Variants in ADIPOR2 observed in about 807,000 individuals in gnomAD.
ADIPOR2 encodes adiponectin receptor 2.
ADIPOR2 carries 18 observed loss-of-function variants against 40.9 expected under a neutral mutation model. That is an observed-to-expected ratio of 0.44 (90% CI 0.30 to 0.65). The LOEUF (loss-of-function observed/expected upper bound fraction) is 0.65, where lower values mean the gene tolerates loss of function less well. Ranked by LOEUF, ADIPOR2 falls within the 30% of genes least tolerant of loss-of-function variation. The pLI is 0.09. For synonymous variants in ADIPOR2, 165 were observed against 166.4 expected, an observed-to-expected ratio of 0.99 and a Z score of 0.06; for missense variants, 283 against 479.2, an observed-to-expected ratio of 0.59 and a Z score of 3.82.
chr12:1,732,079 A>ATC (rs1355837492), intron 1 of ADIPOR2, among the ~76,000 whole-genome samples: 1 of 152,020 alleles, frequency 6.6e-6, no homozygotes, highest in African/African-American at 2.4e-5. Context: ...GTTCCCATAT[A>ATC]TCTACCCGCT....
rs1371686747 is a variant in ADIPOR2, at chr12:1,787,123, A to G, written c.*1051A>G. The G allele has an allele frequency of 2.0e-5, 3 of 152,202 alleles. No individual in the cohort carries two copies. Among genetic ancestry groups the G allele is most frequent in the Non-Finnish European group, 2.9e-5 (2 of 68,040 alleles). 9.4% of individuals were successfully genotyped at this position (152,202 alleles called of 1,614,324 possible). ...TGGAACACTCTCTAAATTTCCCTCTATTAAAAATCACTGCCCTAACTACAC... is the reference window on the plus strand; with the variant it reads ...TGGAACACTCTCTAAATTTCCCTCTGTTAAAAATCACTGCCCTAACTACAC... On this transcript the variant is annotated 3_prime_UTR_variant, in exon 8 of 8. Transcript: ENST00000357103.
At chr12:1,737,944 G>C (rs1284227454) in intron 1 of ADIPOR2, among the ~76,000 whole-genome samples, 2 of 152,182 alleles carry the variant, frequency 1.3e-5, no homozygotes, top group Admixed American at 6.5e-5. Context: ...TGCCATGTAT[G>C]AAGGTCCCTT....
intron 1 of ADIPOR2, among the ~76,000 whole-genome samples, chr12:1,704,318 C>G (rs2094657554): frequency 1.3e-5 from 2 of 152,100 alleles, no homozygotes; most frequent in South Asian, 4.2e-4. Context: ...AGAAATAGAA[C>G]CTAGAAGAGT....
chr12:1,701,753 A>T (rs1355694299), intron 1 of ADIPOR2, among the ~76,000 whole-genome samples: 2 of 152,202 alleles, frequency 1.3e-5, no homozygotes, highest in African/African-American at 4.8e-5. Flanking sequence ...TCATGTATTA[A>T]AAATAATGTT....
chr12:1,768,979 CA>C (rs1360137275), intron 2 of ADIPOR2, among the ~76,000 whole-genome samples: 7 of 152,120 alleles, frequency 4.6e-5, no homozygotes, highest in African/African-American at 1.7e-4. Flanking sequence ...GTCACAATGT[CA>C]TGTTTCTTGT....
At chr12:1,748,397 C>T (rs1051269035) in intron 1 of ADIPOR2, among the ~76,000 whole-genome samples, 32 of 152,104 alleles carry the variant, frequency 2.1e-4, no homozygotes, top group South Asian at 1.2e-3. Context: ...TACAGGTGCC[C>T]GCCACCACGC....
chr12:1,715,387 G>C (rs1260584144), intron 1 of ADIPOR2, among the ~76,000 whole-genome samples: 1 of 152,042 alleles, frequency 6.6e-6, no homozygotes, highest in East Asian at 1.9e-4. Flanking sequence ...CTTTTTCAGG[G>C]TTTGCAGGTC....
chr12:1,717,711 AAAAAAAAAAATTC>A (rs965956730), intron 1 of ADIPOR2, among the ~76,000 whole-genome samples: 1 of 150,512 alleles, frequency 6.6e-6, no homozygotes, highest in Non-Finnish European at 1.5e-5. Flanking sequence ...ATCTTAAGGA[AAAAAAAAAAATTC>A]AGCTTCTGAA....
intron 2 of ADIPOR2, among the ~76,000 whole-genome samples, chr12:1,760,050 AAAC>A (rs1369808483): frequency 6.6e-6 from 1 of 151,378 alleles, no homozygotes; most frequent in Non-Finnish European, 1.5e-5. Context: ...AAACAAAACA[AAAC>A]AAAAAAAACA....
At chr12:1,775,632 G>T (rs1862575439) in intron 3 of ADIPOR2, among the ~76,000 whole-genome samples, 1 of 152,142 alleles carries the variant, frequency 6.6e-6, no homozygotes, top group Non-Finnish European at 1.5e-5. Context: ...AAGATGTAAG[G>T]GTTGATTTCT....
chr12:1,709,669 A>G (rs1012446109), intron 1 of ADIPOR2, among the ~76,000 whole-genome samples: 4 of 152,202 alleles, frequency 2.6e-5, no homozygotes, highest in Non-Finnish European at 5.9e-5. Flanking sequence ...TGTAGAGATC[A>G]TTCAACAGAT....
At chr12:1,711,460 G>C (rs1250834594) in intron 1 of ADIPOR2, among the ~76,000 whole-genome samples, 1 of 152,060 alleles carries the variant, frequency 6.6e-6, no homozygotes. Flanking sequence ...GTAGGTGCCT[G>C]TCCAGTTGGT....
At position 1,754,593 on chromosome 12, in the gene ADIPOR2, G is replaced by A. The variant is rs1862072513; in HGVS notation, c.171+79G>A. 1.1e-5 allele frequency: 16 copies of A among 1,398,572 alleles called. No individual in the cohort carries two copies. The South Asian group carries it at 2.5e-4, about 22-fold the overall frequency. The allele number at this position is 1,398,572 out of a possible 1,614,324, so 86.6% of individuals were successfully genotyped here. Reference sequence around the variant, plus strand: ...AGAGGGAGGATATGGGGAAAAAAAAGTGGGGGTCCATTGCTGGAGGGAGGA... The same window carrying A: ...AGAGGGAGGATATGGGGAAAAAAAAATGGGGGTCCATTGCTGGAGGGAGGA... On this transcript the variant is annotated intron_variant, in intron 2 of 7. Coordinates refer to ENST00000357103, the MANE Select transcript of ADIPOR2 (RefSeq NM_024551.3).
At chr12:1,746,687 C>G (rs1246906085) in intron 1 of ADIPOR2, among the ~76,000 whole-genome samples, 1 of 152,046 alleles carries the variant, frequency 6.6e-6, no homozygotes, top group Non-Finnish European at 1.5e-5. Flanking sequence ...CTTTAATATG[C>G]CACTTTCAAT....
At chr12:1,720,444 A>G (rs1258847960) in intron 1 of ADIPOR2, among the ~76,000 whole-genome samples, 1 of 152,184 alleles carries the variant, frequency 6.6e-6, no homozygotes, top group African/African-American at 2.4e-5. Flanking sequence ...TGAAATAATT[A>G]TATAACTCAC....
chr12:1,722,591 G>C (rs528331011), intron 1 of ADIPOR2, among the ~76,000 whole-genome samples: 1 of 152,262 alleles, frequency 6.6e-6, no homozygotes, highest in South Asian at 2.1e-4. Flanking sequence ...TATGAAGTTG[G>C]GGAATGGAGA....
intron 2 of ADIPOR2, among the ~76,000 whole-genome samples, chr12:1,756,276 G>A (rs976742212): frequency 2.0e-5 from 3 of 151,804 alleles, no homozygotes; most frequent in Non-Finnish European, 2.9e-5. Flanking sequence ...TCAGCCTTCC[G>A]AGTAGCTGGG....
chr12:1,724,937 A>T (rs1269647625), intron 1 of ADIPOR2, among the ~76,000 whole-genome samples: 4 of 152,090 alleles, frequency 2.6e-5, no homozygotes, highest in African/African-American at 9.7e-5. Flanking sequence ...AACAACTGTT[A>T]GGTATTATTA....
intron 1 of ADIPOR2, among the ~76,000 whole-genome samples, chr12:1,714,895 C>T (rs996949165): frequency 6.6e-6 from 1 of 152,090 alleles, no homozygotes; most frequent in African/African-American, 2.4e-5. Flanking sequence ...ATATACCTAT[C>T]AGGATCATCT....
Sources: gnomAD v4.1 joint callset for allele counts (sites outside exome capture counted in the v4.1 genomes callset) on GRCh38, gnomAD v4.1.1 for gene constraint, MANE v1.5 for transcripts, NCBI Gene and HGNC (gene_info 2026-07-23, HGNC 2026-07-21) for gene names.